The following CMC1 variants were observed in gnomAD, a reference collection of about 807,000 sequenced individuals.
CMC1 encodes COX assembly mitochondrial protein homolog.
A neutral mutation model predicts 14.1 loss-of-function variants in CMC1; 14 were observed. The ratio of observed to expected loss-of-function variants is 0.99; its 90% CI spans 0.66 to 1.55. The LOEUF (loss-of-function observed/expected upper bound fraction) is 1.55, where lower values mean the gene tolerates loss of function less well. Among genes scored for constraint, CMC1 ranks in the 40% most tolerant of loss-of-function variants. The pLI, the probability that CMC1 is intolerant of heterozygous loss-of-function variation, is 0.00. For missense variants in CMC1, 127 were observed against 123.8 expected (o/e 1.03, Z -0.12); for synonymous variants, 50 against 38.4 (o/e 1.30, Z -1.12).
At chr3:28,298,335 G>C (rs1388995084) in intron 2 of CMC1, 1 of 151,446 alleles carries the variant, frequency 6.6e-6, no homozygotes, top group East Asian at 1.9e-4. Context: ...AAGACACTAG[G>C]AAAAGCACAT....
At chr3:28,306,180 G>A (rs1203809205) in intron 2 of CMC1, among the ~76,000 whole-genome samples, 1 of 151,868 alleles carries the variant, frequency 6.6e-6, no homozygotes, top group East Asian at 1.9e-4. Context: ...CTCTTTTTTG[G>A]TTGCATATAA....
At chr3:28,309,138 G>T (rs183479863) in intron 2 of CMC1, among the ~76,000 whole-genome samples, 1 of 152,004 alleles carries the variant, frequency 6.6e-6, no homozygotes, top group African/African-American at 2.4e-5. Context: ...TTCTCCTAGC[G>T]TTAAGTGTTA....
At chr3:28,245,517 T>C (rs748681360) in intron 1 of CMC1, among the ~76,000 whole-genome samples, 10 of 152,212 alleles carry the variant, frequency 6.6e-5, no homozygotes, top group Admixed American at 2.0e-4. Flanking sequence ...TCTCTACTTA[T>C]GCAGAATGGG....
chr3:28,258,532 C>T (rs1262143126), intron 1 of CMC1, among the ~76,000 whole-genome samples: 1 of 143,058 alleles, frequency 7.0e-6, no homozygotes, highest in Non-Finnish European at 1.5e-5. Context: ...CACCATTTGT[C>T]GAAAATAATT....
intron 1 of CMC1, among the ~76,000 whole-genome samples, chr3:28,242,416 A>G (rs1015236030): frequency 3.9e-5 from 6 of 152,128 alleles, no homozygotes; most frequent in Non-Finnish European, 7.3e-5. Context: ...GCGTTAGGCT[A>G]TTTTTGCAAG....
chr3:28,268,184 A>G (rs1049725148), intron 2 of CMC1, among the ~76,000 whole-genome samples: 3 of 152,200 alleles, frequency 2.0e-5, no homozygotes, highest in African/African-American at 7.2e-5. Flanking sequence ...CCCAATCACC[A>G]TTGGATTGGT....
chr3:28,246,762 C>A (rs1212488669), intron 1 of CMC1, among the ~76,000 whole-genome samples: 3 of 147,148 alleles, frequency 2.0e-5, no homozygotes, highest in African/African-American at 7.5e-5. Flanking sequence ...ATATTTGCTT[C>A]TCATCAAATA....
Position 28,324,401 on chromosome 3 carries a change from G to T in CMC1, c.*4772G>T, listed in dbSNP as rs1703302803. ...TATGTTGCAGTAAAATTCATCAAGT[G>T]CAGTTTTGTGCTGTCTCTTCCAAGG... On this transcript the variant is annotated 3_prime_UTR_variant, in exon 4 of 4. Transcript: ENST00000466830. The T allele has an allele frequency of 6.5e-7, 1 of 1,546,292 alleles. No homozygotes were observed. Among genetic ancestry groups the T allele is most frequent in the Admixed American group, 2.0e-5 (1 of 51,234 alleles).
intron 2 of CMC1, chr3:28,292,968 A>G (rs1423165519): frequency 6.6e-6 from 1 of 152,190 alleles, no homozygotes; most frequent in Non-Finnish European, 1.5e-5. Context: ...TATCCAGGTA[A>G]ATTTTACCTT....
At chr3:28,263,214 T>G (rs929652357) in intron 1 of CMC1, 77 bp from the exon 2 acceptor site, 12 of 998,986 alleles carry the variant, frequency 1.2e-5, no homozygotes, top group Non-Finnish European at 1.8e-5. Flanking sequence ...TTATTTTAAG[T>G]AAACCAGAGT....
chr3:28,298,098 A>G (rs1701837423), intron 2 of CMC1: 3 of 151,888 alleles, frequency 2.0e-5, no homozygotes, highest in Admixed American at 2.0e-4. Flanking sequence ...TCCAAGTTGC[A>G]TAGGTAGCCC....
At chr3:28,252,126 T>G (rs1477768099) in intron 1 of CMC1, among the ~76,000 whole-genome samples, 1 of 152,242 alleles carries the variant, frequency 6.6e-6, no homozygotes, top group Non-Finnish European at 1.5e-5. Flanking sequence ...ATGTTGTCCC[T>G]TTCTGGCCTC....
intron 2 of CMC1, among the ~76,000 whole-genome samples, chr3:28,282,170 A>G (rs769549083): frequency 1.3e-4 from 20 of 152,192 alleles, no homozygotes; most frequent in Non-Finnish European, 2.8e-4. Flanking sequence ...TTACCACCAA[A>G]TACAAGACAA....
At chr3:28,304,534 A>C (rs1702212340) in intron 2 of CMC1, among the ~76,000 whole-genome samples, 1 of 152,154 alleles carries the variant, frequency 6.6e-6, no homozygotes, top group Admixed American at 6.5e-5. Context: ...TATCGCTTAA[A>C]ATTTTAACAT....
chr3:28,317,564 A>G, intron 3 of CMC1: 1 of 152,140 alleles, frequency 6.6e-6, no homozygotes, highest in East Asian at 1.9e-4. Context: ...TAATTTTTAT[A>G]TCTCAGATTC....
chr3:28,323,276 A>G lies in CMC1; in HGVS notation c.*3647A>G, dbSNP rs1267385585. 6.6e-6 allele frequency: 1 copy of G among 151,038 alleles called. No homozygotes were observed. The highest frequency in any genetic ancestry group is 6.6e-5 in the Admixed American group (1 of 15,064). 9.4% of individuals were successfully genotyped at this position (151,038 alleles called of 1,614,324 possible). The stretch of plus-strand genomic sequence containing the variant: ...GGCAGATTAGACTGAAATCTGTGTG[A>G]TGCTCCTTCTACTACTTATTGAATA... On this transcript the variant is annotated 3_prime_UTR_variant, in exon 4 of 4. Transcript: ENST00000466830.
chr3:28,263,383 A>G lies in CMC1; in HGVS notation c.109+3A>G. 3.9e-6 allele frequency: 6 copies of G among 1,557,132 alleles called. No homozygotes were observed. The highest frequency in any genetic ancestry group is 5.3e-6 in the Non-Finnish European group (6 of 1,140,004). ...GAGGTGTTCTGAACAAGTTCAAGGT[A>G]ACATTCAAATATTCATGTAAAGATC... On this transcript the variant is annotated splice_donor_region_variant and intron_variant, in intron 2 of 3. Coordinates refer to ENST00000466830, the MANE Select transcript of CMC1 (RefSeq NM_182523.2).
chr3:28,311,490 T>G (rs1303504517), intron 2 of CMC1, among the ~76,000 whole-genome samples: 2 of 152,208 alleles, frequency 1.3e-5, no homozygotes, highest in African/African-American at 4.8e-5. Flanking sequence ...GGCCTTGATT[T>G]TCTTCAGCTG....
At chr3:28,287,655 G>A (rs1009732191) in intron 2 of CMC1, among the ~76,000 whole-genome samples, 9 of 151,684 alleles carry the variant, frequency 5.9e-5, no homozygotes, top group South Asian at 2.1e-4. Flanking sequence ...TATTCCCTTC[G>A]AAAGATGCTA....
Sources: gnomAD v4.1 joint callset for allele counts (sites outside exome capture counted in the v4.1 genomes callset) on GRCh38, gnomAD v4.1.1 for gene constraint, MANE v1.5 for transcripts, NCBI Gene and HGNC (gene_info 2026-07-23, HGNC 2026-07-21) for gene names.